The following FOXN3 variants were observed in gnomAD, a reference collection of about 807,000 sequenced individuals.
FOXN3 encodes the protein forkhead box N3.
In FOXN3, 7 loss-of-function variants were observed where a neutral mutation model predicts 38.4. The ratio of observed to expected loss-of-function variants is 0.18; its 90% CI spans 0.10 to 0.34. The LOEUF (loss-of-function observed/expected upper bound fraction) is 0.34, where lower values mean the gene tolerates loss of function less well. FOXN3 is among the 10% of genes least tolerant of loss of function. The pLI is 1.00. For missense variants in FOXN3, 456 were observed against 613.4 expected (o/e 0.74, Z 2.71); for synonymous variants, 230 against 242.2 (o/e 0.95, Z 0.47).
At chr14:89,270,521 A>G (rs1018019339) in intron 4 of FOXN3, among the ~76,000 whole-genome samples, 1 of 152,206 alleles carries the variant, frequency 6.6e-6, no homozygotes, top group Non-Finnish European at 1.5e-5. Flanking sequence ...TATTTGACTG[A>G]CTGGAAAGGA....
chr14:89,494,460 T>C (rs1001767189), intron 1 of FOXN3, among the ~76,000 whole-genome samples: 1 of 152,268 alleles, frequency 6.6e-6, no homozygotes, highest in Admixed American at 6.5e-5. Context: ...CCGGCTGGGC[T>C]GTCTGCTTAA....
At chr14:89,476,513 T>C (rs1361648823) in intron 1 of FOXN3, among the ~76,000 whole-genome samples, 1 of 152,224 alleles carries the variant, frequency 6.6e-6, no homozygotes, top group African/African-American at 2.4e-5. Context: ...TGGGCTCAAA[T>C]GACTTGATCT....
intron 3 of FOXN3, among the ~76,000 whole-genome samples, chr14:89,288,710 CTCTCTCTCTCTCTCTATATATA>C (rs1886741428): frequency 1.2e-4 from 9 of 75,880 alleles, no homozygotes; most frequent in African/African-American, 4.6e-4. Context: ...CTCTCTCTCT[CTCTCTCTCTCTCTCTATATATA>C]TATATATATA....
intron 3 of FOXN3, among the ~76,000 whole-genome samples, chr14:89,298,414 A>T (rs1198119053): frequency 2.0e-5 from 3 of 149,558 alleles, no homozygotes; most frequent in Non-Finnish European, 3.0e-5. Context: ...AACTTTAAAA[A>T]TGCCTGGATG....
intron 5 of FOXN3, among the ~76,000 whole-genome samples, chr14:89,173,690 A>G (rs1166477418): frequency 2.0e-5 from 3 of 152,206 alleles, no homozygotes. Context: ...GTATTATTCT[A>G]GTTATTTAAA....
intron 1 of FOXN3, among the ~76,000 whole-genome samples, chr14:89,583,570 T>C (rs1596324675): frequency 6.6e-6 from 1 of 152,318 alleles, no homozygotes; most frequent in East Asian, 1.9e-4. Context: ...GTTTTTATTT[T>C]TGTTTTTTGA....
intron 1 of FOXN3, among the ~76,000 whole-genome samples, chr14:89,545,231 G>C (rs1894861826): frequency 6.6e-6 from 1 of 152,192 alleles, no homozygotes; most frequent in Non-Finnish European, 1.5e-5. Flanking sequence ...CCTTCAGTGA[G>C]AGCCTCTTCA....
intron 1 of FOXN3, among the ~76,000 whole-genome samples, chr14:89,526,196 A>G (rs1894429770): frequency 6.6e-6 from 1 of 152,172 alleles, no homozygotes; most frequent in African/African-American, 2.4e-5. Context: ...TTCCCCTGTA[A>G]GATTAAAAAC....
intron 1 of FOXN3, among the ~76,000 whole-genome samples, chr14:89,487,147 G>GT (rs1373551541): frequency 6.6e-6 from 1 of 152,180 alleles, no homozygotes; most frequent in Non-Finnish European, 1.5e-5. Context: ...AAAATGAAAT[G>GT]TCTCTGGCTC....
chr14:89,444,739 C>T (rs1892458318), intron 1 of FOXN3, among the ~76,000 whole-genome samples: 1 of 152,192 alleles, frequency 6.6e-6, no homozygotes, highest in Non-Finnish European at 1.5e-5. Flanking sequence ...ACACCCATCA[C>T]ACATTCCCTA....
intron 3 of FOXN3, among the ~76,000 whole-genome samples, chr14:89,337,506 A>T (rs1408971621): frequency 6.6e-6 from 1 of 152,216 alleles, no homozygotes; most frequent in Non-Finnish European, 1.5e-5. Context: ...TTACCTTTCA[A>T]GTGCCAGTTC....
At chr14:89,452,887 G>GATAACAAACACTTAAA (rs1470171292) in intron 1 of FOXN3, among the ~76,000 whole-genome samples, 1 of 152,126 alleles carries the variant, frequency 6.6e-6, no homozygotes, top group African/African-American at 2.4e-5. Flanking sequence ...TGGTGTAAGA[G>GATAACAAACACTTAAA]ATAACAAACA....
At chr14:89,529,399 G>A (rs1379906673) in intron 1 of FOXN3, among the ~76,000 whole-genome samples, 1 of 152,168 alleles carries the variant, frequency 6.6e-6, no homozygotes, top group Non-Finnish European at 1.5e-5. Context: ...CAACTTTACT[G>A]TTATAAAAAC....
chr14:89,436,416 G>A (rs1427139612), intron 1 of FOXN3, among the ~76,000 whole-genome samples: 3 of 151,950 alleles, frequency 2.0e-5, no homozygotes, highest in African/African-American at 7.3e-5. Flanking sequence ...AGAAAACAAA[G>A]TGACGTAGGG....
intron 1 of FOXN3, among the ~76,000 whole-genome samples, chr14:89,473,909 T>C (rs1274315644): frequency 6.6e-6 from 1 of 152,186 alleles, no homozygotes; most frequent in Non-Finnish European, 1.5e-5. Context: ...AGGACAAAAT[T>C]TGTAGTATTC....
At chr14:89,254,525 G>A (rs1320527908) in intron 4 of FOXN3, among the ~76,000 whole-genome samples, 3 of 152,146 alleles carry the variant, frequency 2.0e-5, no homozygotes, top group East Asian at 1.9e-4. Flanking sequence ...AGGCATGCCC[G>A]GGGATGCTCC....
chr14:89,540,254 T>C (rs1335350892), intron 1 of FOXN3, among the ~76,000 whole-genome samples: 1 of 152,212 alleles, frequency 6.6e-6, no homozygotes, highest in Non-Finnish European at 1.5e-5. Context: ...CTGTGGGGTA[T>C]GTGGTTAGAT....
intron 1 of FOXN3, among the ~76,000 whole-genome samples, chr14:89,537,384 T>C (rs943917788): frequency 6.6e-6 from 1 of 152,168 alleles, no homozygotes; most frequent in Non-Finnish European, 1.5e-5. Context: ...GAATGTTTGA[T>C]GAATGAATGA....
chr14:89,492,331 A>G (rs985909336), intron 1 of FOXN3, among the ~76,000 whole-genome samples: 3 of 152,156 alleles, frequency 2.0e-5, no homozygotes, highest in African/African-American at 7.2e-5. Context: ...ATGGGGACAG[A>G]GGTCTGCCCT....
Sources: allele counts gnomAD v4.1 joint callset (sites outside exome capture counted in the v4.1 genomes callset), GRCh38; gene constraint gnomAD v4.1.1; transcripts MANE v1.5; gene names NCBI Gene and HGNC (gene_info 2026-07-23, HGNC 2026-07-21).